The following PTPRG variants were observed in gnomAD, a reference collection of about 807,000 sequenced individuals.
PTPRG encodes the protein receptor-type tyrosine-protein phosphatase gamma.
PTPRG carries 102 observed loss-of-function variants against 165.3 expected under a neutral mutation model. The observed-to-expected ratio is 0.62, with a 90% CI of 0.53 to 0.73. The LOEUF (loss-of-function observed/expected upper bound fraction) is 0.73. PTPRG is among the 30% of genes least tolerant of loss of function. The pLI is 0.00. For synonymous variants in PTPRG, 675 were observed against 669.5 expected, an observed-to-expected ratio of 1.01 and a Z score of -0.13; for missense variants, 1,866 against 1,861.4, an observed-to-expected ratio of 1.00 and a Z score of -0.05.
At chr3:62,119,533 G>A (rs1702984253) in intron 5 of PTPRG, among the ~76,000 whole-genome samples, 1 of 152,162 alleles carries the variant, frequency 6.6e-6, no homozygotes, top group African/African-American at 2.4e-5. Flanking sequence ...GGAAATCCTG[G>A]AAGAATCCAG....
In PTPRG at chr3:62,219,481, A is replaced by G. The variant is rs527715071; in HGVS notation, c.2288+498A>G. Among the ~76,000 whole-genome samples the G allele has an allele frequency of 1.7e-4, 26 of 152,208 alleles. 1 individual carries two copies. Among genetic ancestry groups the G allele is most frequent in the Non-Finnish European group, 3.5e-4 (24 of 68,038 alleles). On this transcript the variant is annotated intron_variant, in intron 13 of 29. Transcript: ENST00000474889. The surrounding 1 kb of genome is among the most constrained non-coding windows in gnomAD (Gnocchi z 4.5). The stretch of plus-strand genomic sequence containing the variant: ...TTTAGCATATTATGTGGTATTTAAT[A>G]TATGTAAGATTAAAATGGCAGATTG...
chr3:61,843,388 G>A (rs1055594102), intron 2 of PTPRG, among the ~76,000 whole-genome samples: 3 of 151,740 alleles, frequency 2.0e-5, no homozygotes, highest in African/African-American at 7.3e-5. Context: ...ACATACACAC[G>A]GATCATAGAA....
rs554191224 is a variant in PTPRG, at chr3:61,828,935, CCAGAAGAGGTGAAAGCCTAGAA to C, written c.190+79958_190+79979del. ...TTTACCTATATGACTGATTCTGTACCCAGAAGAGGTGAAAGCCTAGAACAGATGATTTCTCCAATATTTAAAG... is the reference window on the plus strand; with the variant it reads ...TTTACCTATATGACTGATTCTGTACCCAGATGATTTCTCCAATATTTAAAG... On this transcript the variant is annotated intron_variant, in intron 2 of 29. Coordinates refer to ENST00000474889, the MANE Select transcript of PTPRG (RefSeq NM_002841.4). Among the ~76,000 whole-genome samples, 15 of 152,180 alleles carry C rather than the reference CCAGAAGAGGTGAAAGCCTAGAA, an allele frequency of 9.9e-5. No homozygotes were observed. The South Asian group carries it at 3.1e-3, about 32-fold the overall frequency.
chr3:61,835,955 G>A (rs2036444713), intron 2 of PTPRG, among the ~76,000 whole-genome samples: 1 of 151,712 alleles, frequency 6.6e-6, no homozygotes, highest in African/African-American at 2.4e-5. Flanking sequence ...CAGGAGAATT[G>A]CTTGAAGCTG....
chr3:62,286,711 C>T (rs1431889483), intron 28 of PTPRG, among the ~76,000 whole-genome samples: 2 of 151,826 alleles, frequency 1.3e-5, no homozygotes, highest in African/African-American at 2.4e-5. Context: ...TTAATGGAGC[C>T]CTTAGAGGAA....
At chr3:61,694,867 T>C (rs1018521917) in intron 1 of PTPRG, among the ~76,000 whole-genome samples, 1 of 152,168 alleles carries the variant, frequency 6.6e-6, no homozygotes, top group Non-Finnish European at 1.5e-5. Context: ...TCATTCTCTC[T>C]CTCTCACTCT....
intron 1 of PTPRG, among the ~76,000 whole-genome samples, chr3:61,657,906 A>G (rs1702552417): frequency 6.6e-6 from 1 of 152,118 alleles, no homozygotes; most frequent in Admixed American, 6.5e-5. Context: ...TGTTAAACAG[A>G]GGGCTGCTAA....
intron 16 of PTPRG, among the ~76,000 whole-genome samples, chr3:62,257,870 A>G (rs888675991): frequency 2.6e-5 from 4 of 152,150 alleles, no homozygotes; most frequent in Non-Finnish European, 5.9e-5. Flanking sequence ...AGGCTGAGGC[A>G]GGAGGATCAC....
intron 1 of PTPRG, among the ~76,000 whole-genome samples, chr3:61,670,176 G>A (rs150556887): frequency 2.4e-3 from 368 of 152,306 alleles, no homozygotes; most frequent in African/African-American, 7.2e-3. Flanking sequence ...TCCTTTAGCC[G>A]AATCTGAACT....
intron 1 of PTPRG, among the ~76,000 whole-genome samples, chr3:61,695,211 A>G (rs2030499386): frequency 6.6e-6 from 1 of 152,146 alleles, no homozygotes; most frequent in Non-Finnish European, 1.5e-5. Flanking sequence ...GGATTTCACC[A>G]TGTTGCCAAG....
At chr3:62,124,529 G>T (rs543578852) in intron 5 of PTPRG, 6 of 1,537,950 alleles carry the variant, frequency 3.9e-6, no homozygotes, top group East Asian at 2.2e-5. Context: ...ATCCACCGGG[G>T]TTTTGCTCTG....
intron 2 of PTPRG, among the ~76,000 whole-genome samples, chr3:61,849,471 A>C (rs1375265505): frequency 6.6e-6 from 1 of 152,204 alleles, no homozygotes; most frequent in Non-Finnish European, 1.5e-5. Flanking sequence ...GCTCTCCCTG[A>C]AAGATGGATT....
chr3:61,913,957 T>C (rs1405508992), intron 2 of PTPRG, among the ~76,000 whole-genome samples: 5 of 152,152 alleles, frequency 3.3e-5, no homozygotes, highest in African/African-American at 1.2e-4. Flanking sequence ...TCGGTCCAAA[T>C]TTACTAAAGA....
intron 1 of PTPRG, among the ~76,000 whole-genome samples, chr3:61,600,192 A>ATGTGTGTGTGTGTGTGTGTGTGTG (rs1258297289): frequency 1.6e-4 from 17 of 106,636 alleles, no homozygotes; most frequent in East Asian, 8.6e-4. Context: ...ATATATATAT[A>ATGTGTGTGTGTGTGTGTGTGTGTG]TGTGTGTGTG....
intron 10 of PTPRG, among the ~76,000 whole-genome samples, chr3:62,196,207 C>T (rs1699958925): frequency 6.6e-6 from 1 of 150,910 alleles, no homozygotes; most frequent in South Asian, 2.1e-4. Flanking sequence ...GCCTGGCCAA[C>T]ATGGTGAAAC....
chr3:62,049,732 G>T (rs1220753372), intron 4 of PTPRG, among the ~76,000 whole-genome samples: 1 of 152,174 alleles, frequency 6.6e-6, no homozygotes, highest in South Asian at 2.1e-4. Flanking sequence ...CTCACCCTGC[G>T]TGGTAGGTCA....
intron 2 of PTPRG, among the ~76,000 whole-genome samples, chr3:61,979,852 G>A (rs1017219801): frequency 2.0e-5 from 3 of 152,102 alleles, no homozygotes; most frequent in Non-Finnish European, 4.4e-5. Context: ...ACCCTGTGAA[G>A]TGTTTCCTAG....
At chr3:61,966,987 C>A (rs773444377) in intron 2 of PTPRG, among the ~76,000 whole-genome samples, 79 of 152,224 alleles carry the variant, frequency 5.2e-4, no homozygotes, top group Non-Finnish European at 1.0e-3. Flanking sequence ...TCACAAACAG[C>A]ATTGGCTTAA....
chr3:62,269,630 A>T (rs1701995331), intron 20 of PTPRG, among the ~76,000 whole-genome samples: 1 of 152,192 alleles, frequency 6.6e-6, no homozygotes, highest in Non-Finnish European at 1.5e-5. Context: ...AGCATTTTAG[A>T]AATTTACAGT....
Sources: allele counts gnomAD v4.1 joint callset (sites outside exome capture counted in the v4.1 genomes callset), GRCh38; gene constraint gnomAD v4.1.1; non-coding constraint Gnocchi (gnomAD v3.1); transcripts MANE v1.5; gene names NCBI Gene and HGNC (gene_info 2026-07-23, HGNC 2026-07-21).